The following ANK3 variants were observed in gnomAD, a reference collection of about 807,000 sequenced individuals.
The protein encoded by ANK3 is ankyrin 3.
Under a neutral mutation model 370.9 loss-of-function variants are expected in ANK3, and 57 were observed. That is an observed-to-expected ratio of 0.15 (90% CI 0.12 to 0.19). ANK3 has a LOEUF of 0.19. ANK3 is among the 10% of genes least tolerant of loss of function. The pLI is 1.00. For synonymous variants in ANK3, 1,929 were observed against 1,946.3 expected (o/e 0.99, Z 0.23); for missense variants, 4,439 against 5,302.1 (o/e 0.84, Z 5.06).
At position 60,456,140 on chromosome 10, in the gene ANK3, C is replaced by T. The variant is rs531847129; in HGVS notation, c.96+159046G>A. Among the ~76,000 whole-genome samples the T allele has an allele frequency of 3.3e-4, 50 of 152,196 alleles. 1 individual carries two copies. Among genetic ancestry groups the T allele is most frequent in the Non-Finnish European group, 5.7e-4 (39 of 68,026 alleles). ...TGTCCTCCCAATTAGTGGAAGATAC[C>T]TGCCGTGGGGTTTTCTTCTGAGAGG... On this transcript the variant is annotated intron_variant, in intron 2 of 43. Transcript: ENST00000373827.
intron 16 of ANK3, among the ~76,000 whole-genome samples, chr10:60,190,064 C>A (rs537152746): frequency 6.6e-6 from 1 of 152,248 alleles, no homozygotes; most frequent in East Asian, 1.9e-4. Flanking sequence ...ATAGATTGGA[C>A]TAAAATAGAT....
At chr10:60,272,105 G>A (rs944736962) in intron 4 of ANK3, among the ~76,000 whole-genome samples, 2 of 150,974 alleles carry the variant, frequency 1.3e-5, no homozygotes, top group African/African-American at 4.9e-5. Flanking sequence ...GTGTGTGTGT[G>A]TGTGTGTGTG....
intron 1 of ANK3, among the ~76,000 whole-genome samples, chr10:60,328,548 A>G (rs1431588744): frequency 6.6e-6 from 1 of 152,186 alleles, no homozygotes; most frequent in African/African-American, 2.4e-5. Context: ...GAAGAAATGG[A>G]TAAATTCCTG....
intron 5 of ANK3, among the ~76,000 whole-genome samples, chr10:60,264,805 T>C (rs566539298): frequency 6.6e-6 from 1 of 152,158 alleles, no homozygotes. Flanking sequence ...GCTGTCAGGA[T>C]AGGTGAATTC....
intron 2 of ANK3, among the ~76,000 whole-genome samples, chr10:60,517,325 A>G (rs953264128): frequency 1.3e-5 from 2 of 152,184 alleles, no homozygotes; most frequent in East Asian, 3.9e-4. Flanking sequence ...GGCCTCCTAA[A>G]GTGCTGGGAT....
intron 8 of ANK3, among the ~76,000 whole-genome samples, chr10:60,226,638 G>T (rs2097168243): frequency 1.1e-5 from 1 of 90,708 alleles, no homozygotes; most frequent in African/African-American, 3.4e-5. Flanking sequence ...ATTATATATA[G>T]TATAGATAAT....
chr10:60,466,431 T>G (rs1241866430), intron 2 of ANK3, among the ~76,000 whole-genome samples: 1 of 152,236 alleles, frequency 6.6e-6, no homozygotes, highest in Non-Finnish European at 1.5e-5. Flanking sequence ...AAATAGGTTT[T>G]ATTATTCCTA....
Position 60,336,711 on chromosome 10 carries a change from A to G in ANK3, c.114+52714T>C, listed in dbSNP as rs1479502348. Reference sequence around the variant, plus strand: ...AAGTTAAATGTGCATTTTACGTAAGACAACTGTAAATGAATAGCCAGCATA... The same window carrying G: ...AAGTTAAATGTGCATTTTACGTAAGGCAACTGTAAATGAATAGCCAGCATA... On this transcript the variant is annotated intron_variant, in intron 1 of 43. Transcript: ENST00000280772. 2.0e-5 allele frequency among the ~76,000 whole-genome samples: 3 copies of G among 152,224 alleles called. No homozygotes were observed. The East Asian group carries it at 5.8e-4, about 29-fold the overall frequency.
intron 1 of ANK3, among the ~76,000 whole-genome samples, chr10:60,332,347 A>T (rs2051556790): frequency 6.6e-6 from 1 of 152,234 alleles, no homozygotes; most frequent in South Asian, 2.1e-4. Context: ...AATAGGACAC[A>T]ATTTCTTTTT....
At position 60,074,791 on chromosome 10, in the gene ANK3, C is replaced by A; in HGVS notation, c.6090G>T (p.Leu2030Phe). Residue 2030 changes from leucine to phenylalanine, a missense_variant, in exon 37 of 44, where the codon TTG (leucine) becomes TTT (phenylalanine). Transcript: ENST00000280772. ...TTGTTAGGTAATCAATAACTTTGGT[C>A]AAGTTATAATCCTTTTCGGAGGCGG... Reference protein sequence around the residue: ...AKAASEKDYNLTKVIDYLTND... With the variant: ...AKAASEKDYNFTKVIDYLTND... 1 of 1,614,064 alleles carries A rather than the reference C, an allele frequency of 6.2e-7. No individual in the cohort carries two copies. Among genetic ancestry groups the A allele is most frequent in the South Asian group, 1.1e-5 (1 of 91,030 alleles).
At chr10:60,350,210 A>G (rs1308344361) in intron 1 of ANK3, among the ~76,000 whole-genome samples, 1 of 152,232 alleles carries the variant, frequency 6.6e-6, no homozygotes, top group African/African-American at 2.4e-5. Context: ...TAGAATACAT[A>G]GTCAACAGCC....
intron 1 of ANK3, among the ~76,000 whole-genome samples, chr10:60,699,470 A>G (rs1441933717): frequency 6.6e-6 from 1 of 152,098 alleles, no homozygotes; most frequent in Non-Finnish European, 1.5e-5. Flanking sequence ...TTTTAATACA[A>G]TTGTGCTACT....
In ANK3 at chr10:60,356,389, T is replaced by C. The variant is rs139854094; in HGVS notation, c.114+33036A>G. 2.2e-3 allele frequency among the ~76,000 whole-genome samples: 328 copies of C among 152,318 alleles called. 2 individuals are homozygous for C. Among genetic ancestry groups the C allele is most frequent in the Middle Eastern group, 0.017 (5 of 294 alleles). ...AACCCTACTGACTCTGGAAAGATTG[T>C]ATGCTCAGAGGTTTCCACTTGCTCT... On this transcript the variant is annotated intron_variant, in intron 1 of 43. Coordinates refer to ENST00000280772, the MANE Select transcript of ANK3 (RefSeq NM_020987.5).
chr10:60,416,961 CAAG>C (rs1157831654), intron 2 of ANK3, among the ~76,000 whole-genome samples: 1 of 151,886 alleles, frequency 6.6e-6, no homozygotes, highest in Admixed American at 6.6e-5. Context: ...AAAATTGTAC[CAAG>C]AATAAACTGT....
chr10:60,611,129 G>A (rs938040269), intron 2 of ANK3, among the ~76,000 whole-genome samples: 6 of 151,984 alleles, frequency 3.9e-5, no homozygotes, highest in Admixed American at 1.3e-4. Context: ...TAACACATTT[G>A]TTAAAGGGCC....
At chr10:60,170,468 T>C (rs2095754042) in intron 21 of ANK3, among the ~76,000 whole-genome samples, 2 of 152,212 alleles carry the variant, frequency 1.3e-5, no homozygotes, top group African/African-American at 4.8e-5. Context: ...GCTGACAAGG[T>C]GGTGTCTCAG....
chr10:60,655,028 T>C lies in ANK3; in HGVS notation c.58-39804A>G, dbSNP rs563518880. Among the ~76,000 whole-genome samples the C allele has an allele frequency of 2.0e-5, 3 of 152,190 alleles. No homozygotes were observed. The South Asian group carries it at 6.2e-4, about 32-fold the overall frequency. ...AACACCTTACTCACAATTACTCACATGTTTGTGGTAAGACTGGTGTAAACA... is the reference window on the plus strand; with the variant it reads ...AACACCTTACTCACAATTACTCACACGTTTGTGGTAAGACTGGTGTAAACA... On this transcript the variant is annotated intron_variant, in intron 1 of 43. Coordinates refer to the ANK3 transcript ENST00000373827.
rs2064718782 is a variant in ANK3, at chr10:60,455,311, C to A, written c.96+159875G>T. ...TTTGTTTGCAGAATACTGAAACATTCCTGATTAATACAGATGACTAATTTC... is the reference window on the plus strand; with the variant it reads ...TTTGTTTGCAGAATACTGAAACATTACTGATTAATACAGATGACTAATTTC... On this transcript the variant is annotated intron_variant, in intron 2 of 43. Transcript: ENST00000373827. Among the ~76,000 whole-genome samples, 3 of 152,112 alleles carry A rather than the reference C, an allele frequency of 2.0e-5. No individual in the cohort carries two copies. In the South Asian group the frequency reaches 6.2e-4, roughly 32 times the overall value.
chr10:60,488,332 C>T (rs1239020902), intron 2 of ANK3, among the ~76,000 whole-genome samples: 2 of 151,998 alleles, frequency 1.3e-5, no homozygotes, highest in African/African-American at 4.8e-5. Flanking sequence ...GGAAGGTGAA[C>T]AGGAAAGGGT....
Sources: allele counts gnomAD v4.1 joint callset (sites outside exome capture counted in the v4.1 genomes callset), GRCh38; gene constraint gnomAD v4.1.1; transcripts MANE v1.5; gene names NCBI Gene and HGNC (gene_info 2026-07-23, HGNC 2026-07-21).